CTNNAL1: variants seen among roughly 807,000 people sequenced by gnomAD.
CTNNAL1 encodes the protein catenin alpha like 1.
CTNNAL1 carries 69 observed loss-of-function variants against 93.6 expected under a neutral mutation model. The ratio of observed to expected loss-of-function variants is 0.74; its 90% CI spans 0.61 to 0.90. CTNNAL1 has a LOEUF of 0.90. Among genes scored for constraint, CTNNAL1 ranks in the 40% least tolerant of loss-of-function variants. CTNNAL1 has a pLI of 0.00. For synonymous variants in CTNNAL1, 286 were observed against 305.4 expected (o/e 0.94, Z 0.66); for missense variants, 836 against 862.0 (o/e 0.97, Z 0.38).
intron 1 of CTNNAL1, among the ~76,000 whole-genome samples, chr9:109,012,815 G>A (rs1037467246): frequency 1.3e-5 from 2 of 152,200 alleles, no homozygotes; most frequent in Non-Finnish European, 2.9e-5. Context: ...ACGCTGGGCG[G>A]GGAGGCCGGG....
At chr9:108,944,578 A>G (rs923122202) in intron 15 of CTNNAL1, among the ~76,000 whole-genome samples, 2 of 152,206 alleles carry the variant, frequency 1.3e-5, no homozygotes, top group African/African-American at 4.8e-5. Context: ...GATGAACAGG[A>G]TGATGGAGAA....
chr9:108,965,080 G>C (rs922315449), intron 11 of CTNNAL1, among the ~76,000 whole-genome samples: 1 of 151,986 alleles, frequency 6.6e-6, no homozygotes, highest in South Asian at 2.1e-4. Context: ...GGTTGGGCTC[G>C]AACTCCTGGC....
intron 10 of CTNNAL1, among the ~76,000 whole-genome samples, chr9:108,966,151 T>C (rs1412822982): frequency 6.6e-6 from 1 of 152,018 alleles, no homozygotes; most frequent in African/African-American, 2.4e-5. Context: ...CTATTACGAG[T>C]ATACACAGAG....
chr9:109,007,260 C>A (rs1827059615), intron 1 of CTNNAL1, among the ~76,000 whole-genome samples: 1 of 151,664 alleles, frequency 6.6e-6, no homozygotes. Context: ...GAAAAAAAAA[C>A]ACGCATGTAT....
In CTNNAL1 at chr9:108,943,792, G is replaced by T; in HGVS notation, c.1966C>A (p.Leu656Ile). The T allele has an allele frequency of 2.5e-6, 4 of 1,613,622 alleles. No individual in the cohort carries two copies. The highest frequency in any genetic ancestry group is 3.4e-6 in the Non-Finnish European group (4 of 1,179,838). ...KQLKDDDKLM[L>I]LLEINKLIPL... is the part of the protein sequence containing the mutation. ...ATTAGCTTGTTTATTTCCAGGAGAA[G>T]CATAAGCTTGTCATCGTCTTTCAGC... Residue 656 changes from leucine to isoleucine, a missense_variant, in exon 17 of 19, where the codon CTT becomes ATT. Leu to Ile is a conservative substitution (Grantham distance 5, BLOSUM62 2). Coordinates refer to ENST00000325551, the MANE Select transcript of CTNNAL1 (RefSeq NM_003798.4).
chr9:108,969,951 G>A (rs573847266), intron 10 of CTNNAL1, among the ~76,000 whole-genome samples: 11 of 152,286 alleles, frequency 7.2e-5, no homozygotes, highest in African/African-American at 2.6e-4. Context: ...GGTTACAGGT[G>A]TTAGCCACCA....
chr9:108,972,864 G>GGGGGGGGGGGGGCCCCCCCCCCCCCCC, intron 8 of CTNNAL1, 31 bp from the exon 9 acceptor site: 2 of 142,576 alleles, frequency 1.4e-5, no homozygotes, highest in Non-Finnish European at 2.0e-5. Flanking sequence ...GGGGGGGTGG[G>GGGGGGGGGGGGGCCCCCCCCCCCCCCC]AGGGTGGAGA....
At chr9:108,963,296 A>G (rs1830867723) in intron 11 of CTNNAL1, among the ~76,000 whole-genome samples, 2 of 152,316 alleles carry the variant, frequency 1.3e-5, no homozygotes, top group Middle Eastern at 3.4e-3. Context: ...CGATTTAGAA[A>G]CTGCGAGCAT....
chr9:108,992,798 G>GT lies in CTNNAL1; in HGVS notation c.352dup (p.Thr118AsnfsTer12). Reference sequence around the variant, plus strand: ...CAGATGGTTCAAGTTGGTTATGTCTGTAAGTGCTGCAATTGTTTCTCCTAA... The same window carrying GT: ...CAGATGGTTCAAGTTGGTTATGTCTGTTAAGTGCTGCAATTGTTTCTCCTAA... On this transcript the variant is annotated frameshift_variant, in exon 3 of 19. Transcript: ENST00000325551. LOFTEE classifies it high-confidence loss of function. 1 of 1,610,258 alleles carries GT rather than the reference G, an allele frequency of 6.2e-7. No homozygotes were observed. Among genetic ancestry groups the GT allele is most frequent in the Non-Finnish European group, 8.5e-7 (1 of 1,178,780 alleles).
At chr9:108,967,193 A>T (rs1008802504) in intron 10 of CTNNAL1, among the ~76,000 whole-genome samples, 3 of 152,176 alleles carry the variant, frequency 2.0e-5, no homozygotes, top group African/African-American at 7.2e-5. Context: ...AGGTGATAAA[A>T]AAAGAAGATA....
intron 5 of CTNNAL1, among the ~76,000 whole-genome samples, chr9:108,983,900 T>C (rs1057089921): frequency 6.6e-6 from 1 of 152,246 alleles, no homozygotes; most frequent in Non-Finnish European, 1.5e-5. Flanking sequence ...TGTTTGGAAA[T>C]ACTCTTGATT....
chr9:108,982,002 G>C (rs561267614), intron 6 of CTNNAL1, among the ~76,000 whole-genome samples: 145 of 152,316 alleles, frequency 9.5e-4, no homozygotes, highest in African/African-American at 3.4e-3. Context: ...CTGTCTGTTA[G>C]AGAGGTGGGA....
intron 4 of CTNNAL1, among the ~76,000 whole-genome samples, chr9:108,988,275 G>T (rs1055170224): frequency 5.9e-5 from 9 of 152,056 alleles, no homozygotes; most frequent in Non-Finnish European, 1.0e-4. Flanking sequence ...GAAGAGATGG[G>T]GTTTCATCAT....
At chr9:108,948,808 T>G (rs1446217104) in intron 14 of CTNNAL1, among the ~76,000 whole-genome samples, 1 of 151,930 alleles carries the variant, frequency 6.6e-6, no homozygotes, top group Non-Finnish European at 1.5e-5. Context: ...AAATGAAAAG[T>G]AAATTACAAT....
At chr9:108,963,854 C>T (rs1830883067) in intron 11 of CTNNAL1, among the ~76,000 whole-genome samples, 1 of 152,196 alleles carries the variant, frequency 6.6e-6, no homozygotes. Context: ...ACTTTTAGAG[C>T]TGACAGGTCA....
chr9:108,972,864 G>GGGGGGGGC, intron 8 of CTNNAL1, 31 bp from the exon 9 acceptor site: 5 of 142,578 alleles, frequency 3.5e-5, no homozygotes, highest in Non-Finnish European at 5.0e-5. Context: ...GGGGGGGTGG[G>GGGGGGGGC]AGGGTGGAGA....
rs780697175 is a variant in CTNNAL1 at position 108,955,823 on chromosome 9, C to A, written c.1596G>T (p.Glu532Asp). ...INDVFEGRRGEKYGYLSLPKP... is the reference protein window; with the variant it reads ...INDVFEGRRGDKYGYLSLPKP... ...TTGGAAGTGAAAGGTAGCCATACTT[C>A]TCTCCTACAAATAACACATATAACT... The change falls in exon 12 of 19, where the codon GAG (glutamate) becomes GAT (aspartate). Residue 532 changes from glutamate to aspartate, a missense_variant. Transcript: ENST00000325551. 1 of 1,599,466 alleles carries A rather than the reference C, an allele frequency of 6.3e-7. No individual in the cohort carries two copies. The highest frequency in any genetic ancestry group is 8.5e-7 in the Non-Finnish European group (1 of 1,172,762).
rs182415173 is a variant in CTNNAL1 at position 108,977,091 on chromosome 9, T to C, written c.1102-43A>G. On this transcript the variant is annotated intron_variant, in intron 7 of 18. Coordinates refer to ENST00000325551, the MANE Select transcript of CTNNAL1 (RefSeq NM_003798.4). The stretch of plus-strand genomic sequence containing the variant: ...TATACATGTAATGTTACCGCATCTC[T>C]TTAATCTGTTAATTACAATTTTGTT... 809 of 848,786 alleles carry C rather than the reference T, an allele frequency of 9.5e-4. 1 individual carries two copies. Among genetic ancestry groups the C allele is most frequent in the Admixed American group, 1.2e-3 (34 of 29,044 alleles). The allele number at this position is 848,786 out of a possible 1,614,324, so 52.6% of individuals were successfully genotyped here.
chr9:108,955,216 C>T (rs1830662127), intron 12 of CTNNAL1, among the ~76,000 whole-genome samples: 1 of 152,084 alleles, frequency 6.6e-6, no homozygotes, highest in African/African-American at 2.4e-5. Flanking sequence ...AAACTCTTGA[C>T]CTCAGGTAAT....
Sources: allele counts gnomAD v4.1 joint callset (sites outside exome capture counted in the v4.1 genomes callset), GRCh38; gene constraint gnomAD v4.1.1; transcripts MANE v1.5; gene names NCBI Gene and HGNC (gene_info 2026-07-23, HGNC 2026-07-21).